LRRC72: variants seen among roughly 807,000 people sequenced by gnomAD.
LRRC72 encodes leucine rich repeat containing 72.
A neutral mutation model predicts 35.8 loss-of-function variants in LRRC72; 41 were observed. That is an observed-to-expected ratio of 1.15 (90% CI 0.89 to 1.49). The LOEUF (loss-of-function observed/expected upper bound fraction) is 1.49. Ranked by LOEUF, LRRC72 falls within the 40% of genes most tolerant of loss-of-function variation. The probability of loss-of-function intolerance (pLI) is 0.00; values close to 1 mark genes in which losing one functional copy is unlikely to be tolerated. For synonymous variants in LRRC72, 118 were observed against 119.2 expected (o/e 0.99, Z 0.07); for missense variants, 389 against 330.7 (o/e 1.18, Z -1.37).
At chr7:16,550,742 T>G (rs1253239899) in intron 3 of LRRC72, among the ~76,000 whole-genome samples, 1 of 152,210 alleles carries the variant, frequency 6.6e-6, no homozygotes, top group African/African-American at 2.4e-5. Flanking sequence ...AGCATTTAAT[T>G]CTTTCTCTTT....
intron 7 of LRRC72, among the ~76,000 whole-genome samples, chr7:16,574,084 TA>T (rs1276252671): frequency 6.6e-6 from 1 of 151,882 alleles, no homozygotes; most frequent in Non-Finnish European, 1.5e-5. Flanking sequence ...GAAATGCAAA[TA>T]AAAACAACAA....
chr7:16,577,874 G>T (rs553357007), intron 7 of LRRC72, among the ~76,000 whole-genome samples: 2 of 152,254 alleles, frequency 1.3e-5, no homozygotes, highest in South Asian at 4.2e-4. Context: ...AGTTTTAAAG[G>T]GTTGTTAAAG....
intron 7 of LRRC72, among the ~76,000 whole-genome samples, chr7:16,579,218 C>T (rs541080680): frequency 6.6e-6 from 1 of 152,246 alleles, no homozygotes; most frequent in Non-Finnish European, 1.5e-5. Context: ...AACATCAAGT[C>T]GTACACCTTA....
rs1230904863 is a variant in LRRC72 at position 16,526,913 on chromosome 7, C to T, written c.-40C>T. On this transcript the variant is annotated 5_prime_UTR_variant, in exon 1 of 9. Transcript: ENST00000401542. Reference sequence around the variant, plus strand: ...TCTTCGGTGCCACCGGCGGGCGAGGCCGGATTAATCACCGCTGCTTCGGCC... The same window carrying T: ...TCTTCGGTGCCACCGGCGGGCGAGGTCGGATTAATCACCGCTGCTTCGGCC... 3 of 1,503,158 alleles carry T rather than the reference C, an allele frequency of 2.0e-6. No individual in the cohort carries two copies. The highest frequency in any genetic ancestry group is 2.0e-5 in the Admixed American group (1 of 50,848). 93.1% of individuals were successfully genotyped at this position (1,503,158 alleles called of 1,614,324 possible). A position where few individuals can be genotyped will look rare whatever the true frequency, so the allele number is the denominator to read the frequency against.
intron 2 of LRRC72, chr7:16,536,939 A>C (rs910549582): frequency 1.3e-5 from 2 of 152,178 alleles, no homozygotes; most frequent in Admixed American, 6.5e-5. Flanking sequence ...TAAGAGATCC[A>C]ACTACTCCAG....
chr7:16,563,974 A>G (rs915664276), intron 5 of LRRC72, among the ~76,000 whole-genome samples: 3 of 152,214 alleles, frequency 2.0e-5, no homozygotes, highest in African/African-American at 7.2e-5. Context: ...TGTTTTATTC[A>G]GCTGAAGCTA....
chr7:16,546,194 C>T (rs1782440015), intron 3 of LRRC72, among the ~76,000 whole-genome samples: 1 of 152,142 alleles, frequency 6.6e-6, no homozygotes, highest in Non-Finnish European at 1.5e-5. Flanking sequence ...ATTGGGATTT[C>T]AGTACTAAAC....
At chr7:16,573,453 GAT>G (rs1343884041) in intron 7 of LRRC72, among the ~76,000 whole-genome samples, 1 of 152,146 alleles carries the variant, frequency 6.6e-6, no homozygotes, top group Non-Finnish European at 1.5e-5. Context: ...TACCAAAACA[GAT>G]ATATAGACCA....
intron 3 of LRRC72, among the ~76,000 whole-genome samples, chr7:16,551,322 T>C (rs1040733188): frequency 1.3e-5 from 2 of 152,186 alleles, no homozygotes; most frequent in African/African-American, 4.8e-5. Context: ...ATGAAATATA[T>C]GTTTAGTCCC....
chr7:16,534,752 A>G (rs1782224865), intron 2 of LRRC72, among the ~76,000 whole-genome samples: 1 of 152,234 alleles, frequency 6.6e-6, no homozygotes, highest in Non-Finnish European at 1.5e-5. Flanking sequence ...TTTATTATTT[A>G]TCATAGGAAC....
chr7:16,562,007 C>G (rs1409392451), intron 5 of LRRC72, among the ~76,000 whole-genome samples: 1 of 152,124 alleles, frequency 6.6e-6, no homozygotes, highest in African/African-American at 2.4e-5. Flanking sequence ...GAGAAAATAG[C>G]CTGAAGGGCA....
chr7:16,546,574 G>A (rs543965554), intron 3 of LRRC72, among the ~76,000 whole-genome samples: 1 of 152,190 alleles, frequency 6.6e-6, no homozygotes, highest in South Asian at 2.1e-4. Flanking sequence ...TCACTCCTCT[G>A]CTCAAAACCT....
At chr7:16,567,241 C>T (rs1023810463) in intron 6 of LRRC72, 150 bp from the exon 7 acceptor site, 2 of 526,136 alleles carry the variant, frequency 3.8e-6, no homozygotes, top group Admixed American at 3.8e-5. Context: ...TGGAAATAAG[C>T]GTGATAGCCC....
At chr7:16,551,555 C>G (rs1352710639) in intron 3 of LRRC72, among the ~76,000 whole-genome samples, 1 of 152,112 alleles carries the variant, frequency 6.6e-6, no homozygotes, top group African/African-American at 2.4e-5. Context: ...TTAAATTGAT[C>G]ACCAATGGCC....
At chr7:16,551,749 C>G (rs1478389777) in intron 3 of LRRC72, among the ~76,000 whole-genome samples, 1 of 151,692 alleles carries the variant, frequency 6.6e-6, no homozygotes, top group Non-Finnish European at 1.5e-5. Context: ...CATCTGTATC[C>G]TTTGTAATAT....
At chr7:16,580,473 C>A (rs1583656975) in intron 8 of LRRC72, among the ~76,000 whole-genome samples, 1 of 152,058 alleles carries the variant, frequency 6.6e-6, no homozygotes, top group Middle Eastern at 3.4e-3. Context: ...TGAAAACCTG[C>A]CTCTACTAAA....
chr7:16,568,309 A>G (rs1379996977), intron 7 of LRRC72, among the ~76,000 whole-genome samples: 1 of 152,226 alleles, frequency 6.6e-6, no homozygotes, highest in East Asian at 1.9e-4. Context: ...AAAGGTGCAA[A>G]GGTAAAATCC....
chr7:16,542,080 G>T (rs554268055), intron 3 of LRRC72, among the ~76,000 whole-genome samples: 80 of 152,352 alleles, frequency 5.3e-4, no homozygotes, highest in African/African-American at 1.9e-3. Flanking sequence ...ATGGTGTTCA[G>T]TGGTGTCCAG....
chr7:16,565,039 G>T (rs1782805063), intron 5 of LRRC72, among the ~76,000 whole-genome samples: 1 of 152,156 alleles, frequency 6.6e-6, no homozygotes, highest in Non-Finnish European at 1.5e-5. Flanking sequence ...TGAAGGAGTT[G>T]TGCGGTAGCT....
Sources: gnomAD v4.1 joint callset for allele counts (sites outside exome capture counted in the v4.1 genomes callset) on GRCh38, gnomAD v4.1.1 for gene constraint, MANE v1.5 for transcripts, NCBI Gene and HGNC (gene_info 2026-07-23, HGNC 2026-07-21) for gene names.